AKAP8: variants seen among roughly 807,000 people sequenced by gnomAD.
AKAP8 encodes A-kinase anchoring protein 8, also known as A-kinase anchor protein 8.
AKAP8 carries 24 observed loss-of-function variants against 67.5 expected under a neutral mutation model. The observed-to-expected ratio is 0.36, with a 90% CI of 0.26 to 0.50. AKAP8 has a LOEUF of 0.50. Among genes scored for constraint, AKAP8 ranks in the 20% least tolerant of loss-of-function variants. The probability of loss-of-function intolerance (pLI) is 0.97; values close to 1 mark genes in which losing one functional copy is unlikely to be tolerated. For missense variants in AKAP8, 971 were observed against 955.9 expected (o/e 1.02, Z -0.21); for synonymous variants, 400 against 371.1 (o/e 1.08, Z -0.90).
At chr19:15,360,443 C>T (rs1966946565) in intron 12 of AKAP8, among the ~76,000 whole-genome samples, 1 of 152,196 alleles carries the variant, frequency 6.6e-6, no homozygotes, top group Non-Finnish European at 1.5e-5. Flanking sequence ...ATTTTTCCAG[C>T]ATCTTCAACA....
chr19:15,355,526 C>G (rs1285080847), intron 13 of AKAP8, among the ~76,000 whole-genome samples, 156 bp from the exon 14 acceptor site: 1 of 151,610 alleles, frequency 6.6e-6, no homozygotes, highest in Non-Finnish European at 1.5e-5. Flanking sequence ...TCAGAGCCTA[C>G]AGATTCAGAA....
chr19:15,367,419 T>C (rs1967088310), intron 9 of AKAP8, among the ~76,000 whole-genome samples: 1 of 152,002 alleles, frequency 6.6e-6, no homozygotes, highest in Non-Finnish European at 1.5e-5. Flanking sequence ...TCCCAGCTAC[T>C]CGGGAGGCTG....
intron 2 of AKAP8, among the ~76,000 whole-genome samples, chr19:15,375,132 A>G (rs1324708608): frequency 6.6e-6 from 1 of 152,054 alleles, no homozygotes; most frequent in Non-Finnish European, 1.5e-5. Context: ...AAGCAGCCCC[A>G]CTCCCCATGT....
At chr19:15,378,877 GT>G (rs1029426388) in intron 1 of AKAP8, 5 of 152,478 alleles carry the variant, frequency 3.3e-5, no homozygotes, top group Non-Finnish European at 7.3e-5. Flanking sequence ...CTAAATCCTA[GT>G]GGGGAAAGGA....
chr19:15,356,250 A>T (rs1224183427), intron 13 of AKAP8, among the ~76,000 whole-genome samples: 1 of 151,432 alleles, frequency 6.6e-6, no homozygotes, highest in Non-Finnish European at 1.5e-5. Flanking sequence ...AATACAAAAA[A>T]AAAAATTAGC....
intron 2 of AKAP8, among the ~76,000 whole-genome samples, chr19:15,375,941 T>A (rs1967245268): frequency 6.6e-6 from 1 of 151,488 alleles, no homozygotes; most frequent in Non-Finnish European, 1.5e-5. Flanking sequence ...CCTGGCCTTT[T>A]TTTTTTTGAG....
intron 5 of AKAP8, 137 bp from the exon 6 acceptor site, chr19:15,372,484 T>A: frequency 7.8e-7 from 1 of 1,283,770 alleles, no homozygotes; most frequent in Non-Finnish European, 1.1e-6. Flanking sequence ...CAACATAATT[T>A]GAAACTAAAA....
At chr19:15,374,703 C>A in intron 2 of AKAP8, 68 bp from the exon 3 acceptor site, 1 of 1,571,460 alleles carries the variant, frequency 6.4e-7, no homozygotes, top group Non-Finnish European at 8.7e-7. Flanking sequence ...CCAGCTGTCA[C>A]CTTGCTCCAC....
At chr19:15,356,707 C>A (rs750737545) in intron 13 of AKAP8, among the ~76,000 whole-genome samples, 3 of 151,492 alleles carry the variant, frequency 2.0e-5, no homozygotes, top group African/African-American at 7.3e-5. Context: ...GATTAGGAAA[C>A]ATGTTTTAAA....
At chr19:15,378,874 C>T (rs181371391) in intron 1 of AKAP8, among the ~76,000 whole-genome samples, 2 of 152,326 alleles carry the variant, frequency 1.3e-5, no homozygotes, top group Non-Finnish European at 2.9e-5. Flanking sequence ...GCGCTAAATC[C>T]TAGTGGGGAA....
chr19:15,373,945 C>T lies in AKAP8; in HGVS notation c.212G>A (p.Gly71Glu). The change falls in exon 4 of 14, where the codon GGG becomes GAG. Residue 71 changes from glycine to glutamate, a missense_variant. Around this residue, in one of 3 missense-constraint regions of AKAP8, gnomAD observed 763 missense variants for 745.4 expected, o/e 1.02. Transcript: ENST00000269701. ...AKANDGGLAA[G>E]APAMHMASYG... ...AGAGGCCATGTGCATGGCAGGGGCC[C>T]CGGCCGCCAGGCCGCCATCATTGGC... 6.2e-7 allele frequency: 1 copy of T among 1,613,750 alleles called. No individual in the cohort carries two copies.
At chr19:15,359,603 C>G (rs1966931692) in intron 12 of AKAP8, among the ~76,000 whole-genome samples, 1 of 152,010 alleles carries the variant, frequency 6.6e-6, no homozygotes, top group South Asian at 2.1e-4. Flanking sequence ...GTAATCCCAG[C>G]TACTCAGGAG....
At chr19:15,357,146 A>G (rs371295491) in intron 13 of AKAP8, among the ~76,000 whole-genome samples, 30 of 151,488 alleles carry the variant, frequency 2.0e-4, no homozygotes, top group African/African-American at 7.3e-4. Context: ...TTTTTAGTAG[A>G]GATGGGGTTT....
In AKAP8 at chr19:15,369,646, C is replaced by T. The variant is rs1481998994; in HGVS notation, c.1072+500G>A. Among the ~76,000 whole-genome samples the T allele has an allele frequency of 6.6e-6, 1 of 152,206 alleles. No individual in the cohort carries two copies. The highest frequency in any genetic ancestry group is 6.5e-5 in the Admixed American group (1 of 15,278). On this transcript the variant is annotated intron_variant, in intron 8 of 13. Transcript: ENST00000269701. The surrounding 1 kb of genome is among the most constrained non-coding windows in gnomAD (Gnocchi z 4.6). ...CAGTGGGCCTGGGTGCTCCCGACCC[C>T]GCAGGTGTCTGCTGTCACACACTCG...
At chr19:15,356,460 C>T (rs2048279311) in intron 13 of AKAP8, among the ~76,000 whole-genome samples, 1 of 151,492 alleles carries the variant, frequency 6.6e-6, no homozygotes, top group Admixed American at 6.6e-5. Context: ...AGGAAGTTAA[C>T]ACTACGTAAT....
chr19:15,376,828 C>T lies in AKAP8; in HGVS notation c.58+148G>A. ...TACAGAGACTGTGGAGCCCATAAAG[C>T]CACAAAGATATTCACTATCTGATCT... On this transcript the variant is annotated intron_variant, in intron 2 of 13. Transcript: ENST00000269701. 6 of 880,530 alleles carry T rather than the reference C, an allele frequency of 6.8e-6. No individual in the cohort carries two copies. The South Asian group carries it at 8.4e-5, about 12-fold the overall frequency. The allele number at this position is 880,530 out of a possible 1,614,324, so 54.5% of individuals were successfully genotyped here.
intron 2 of AKAP8, among the ~76,000 whole-genome samples, chr19:15,375,959 C>T (rs1414422902): frequency 1.3e-5 from 2 of 149,344 alleles, no homozygotes; most frequent in East Asian, 2.0e-4. Flanking sequence ...GAGACAGGGT[C>T]GTGCTCTGTC....
At chr19:15,371,883 G>A in intron 7 of AKAP8, 69 bp downstream of exon 7, 3 of 1,543,130 alleles carry the variant, frequency 1.9e-6, no homozygotes, top group Non-Finnish European at 2.7e-6. Context: ...CTGCCCCTTT[G>A]TGAGGAAGGG....
intron 9 of AKAP8, 122 bp from the exon 10 acceptor site, chr19:15,362,373 CT>C (rs2030812341): frequency 4.6e-6 from 4 of 868,254 alleles, no homozygotes; most frequent in South Asian, 1.7e-5. Context: ...CCCCCTCCCC[CT>C]CTCCCTCTCC....
Sources: allele counts gnomAD v4.1 joint callset (sites outside exome capture counted in the v4.1 genomes callset), GRCh38; gene constraint gnomAD v4.1.1; regional missense constraint gnomAD v4.1.1; non-coding constraint Gnocchi (gnomAD v3.1); transcripts MANE v1.5; gene names NCBI Gene and HGNC (gene_info 2026-07-23, HGNC 2026-07-21).